The following CNTN5 variants were observed in gnomAD, a reference collection of about 807,000 sequenced individuals.
CNTN5 encodes contactin 5.
A neutral mutation model predicts 129.1 loss-of-function variants in CNTN5; 77 were observed. The observed-to-expected ratio is 0.60, with a 90% CI of 0.50 to 0.72. The LOEUF is 0.72. Among genes scored for constraint, CNTN5 ranks in the 30% least tolerant of loss-of-function variants. CNTN5 has a pLI of 0.00. For missense variants in CNTN5, 1,478 were observed against 1,328.8 expected, an observed-to-expected ratio of 1.11 and a Z score of -1.75; for synonymous variants, 509 against 465.6, an observed-to-expected ratio of 1.09 and a Z score of -1.20.
intron 13 of CNTN5, among the ~76,000 whole-genome samples, chr11:100,170,230 A>T (rs2138404090): frequency 6.6e-6 from 1 of 152,160 alleles, no homozygotes; most frequent in East Asian, 1.9e-4. Flanking sequence ...TTATTCAGAC[A>T]GATTAAATGG....
intron 4 of CNTN5, among the ~76,000 whole-genome samples, chr11:99,824,063 C>T (rs1946880277): frequency 6.6e-6 from 1 of 151,858 alleles, no homozygotes; most frequent in African/African-American, 2.4e-5. Flanking sequence ...TTTATTCATT[C>T]CCTTTTTGTA....
chr11:99,657,451 A>G (rs1165887791), intron 3 of CNTN5, among the ~76,000 whole-genome samples: 1 of 152,128 alleles, frequency 6.6e-6, no homozygotes, highest in East Asian at 1.9e-4. Flanking sequence ...TCTCCATGGT[A>G]TCCTTGATTG....
rs910366662 is a variant in CNTN5 at position 99,310,937 on chromosome 11, TA to T, written c.-209-14408del. Among the ~76,000 whole-genome samples the T allele has an allele frequency of 1.6e-3, 43 of 27,390 alleles. 1 individual carries two copies. In the East Asian group the frequency reaches 0.033, roughly 21 times the overall value. The allele number at this position is 27,390 out of a possible 152,430, so 18.0% of individuals were successfully genotyped here. ...GTAATGAATTAGGTTGATTATTTAT[TA>T]TTTTTTTTTTTGAGACGGAGTCTCG... On this transcript the variant is annotated intron_variant, in intron 1 of 24. Transcript: ENST00000524871.
At chr11:99,573,950 G>A (rs1949262543) in intron 3 of CNTN5, among the ~76,000 whole-genome samples, 1 of 152,096 alleles carries the variant, frequency 6.6e-6, no homozygotes, top group Non-Finnish European at 1.5e-5. Context: ...TACATGTGCA[G>A]AACGTGCAGG....
At chr11:99,671,470 T>C (rs1016907136) in intron 3 of CNTN5, among the ~76,000 whole-genome samples, 6 of 152,052 alleles carry the variant, frequency 3.9e-5, no homozygotes, top group South Asian at 2.1e-4. Context: ...TGTGCGTGTG[T>C]GTGTATGAGA....
chr11:100,030,687 AT>A (rs746399480), intron 9 of CNTN5, among the ~76,000 whole-genome samples: 4 of 150,882 alleles, frequency 2.7e-5, no homozygotes, highest in Admixed American at 6.6e-5. Flanking sequence ...ATAGAGAAAT[AT>A]TTTCTCTCTT....
intron 2 of CNTN5, among the ~76,000 whole-genome samples, chr11:99,368,682 A>G (rs888171087): frequency 6.6e-6 from 1 of 152,188 alleles, no homozygotes; most frequent in African/African-American, 2.4e-5. Flanking sequence ...TTCCTGTTGT[A>G]TTAGTCAGAA....
chr11:100,314,485 G>C (rs1021475076), intron 21 of CNTN5, among the ~76,000 whole-genome samples: 1 of 152,044 alleles, frequency 6.6e-6, no homozygotes. Flanking sequence ...TTTCTGTCAA[G>C]TCCATACCCA....
chr11:99,214,153 A>C (rs150058572), intron 1 of CNTN5, among the ~76,000 whole-genome samples: 21 of 152,146 alleles, frequency 1.4e-4, no homozygotes, highest in Admixed American at 4.6e-4. Flanking sequence ...TCCCAGGGGA[A>C]GTACAGATTT....
intron 6 of CNTN5, among the ~76,000 whole-genome samples, chr11:99,860,996 C>G (rs1355091911): frequency 7.3e-6 from 1 of 136,822 alleles, no homozygotes; most frequent in South Asian, 2.3e-4. Context: ...CGCTCTGTCG[C>G]CCAGGCTGGA....
chr11:99,356,636 T>G (rs759229159), intron 2 of CNTN5, among the ~76,000 whole-genome samples: 4 of 152,206 alleles, frequency 2.6e-5, no homozygotes, highest in Non-Finnish European at 5.9e-5. Flanking sequence ...TAGAGTATAT[T>G]TACCTTTAAT....
chr11:100,001,904 C>G, intron 8 of CNTN5, 130 bp from the exon 9 acceptor site: 2 of 653,536 alleles, frequency 3.1e-6, no homozygotes, highest in Non-Finnish European at 5.2e-6. Flanking sequence ...TTCAATACAT[C>G]GAAAAATTTA....
At chr11:99,778,974 A>G (rs1359093632) in intron 3 of CNTN5, among the ~76,000 whole-genome samples, 1 of 151,806 alleles carries the variant, frequency 6.6e-6, no homozygotes, top group Non-Finnish European at 1.5e-5. Context: ...GGTGAACTGG[A>G]GAGATTATAT....
chr11:99,218,354 A>G (rs1860233975), intron 1 of CNTN5, among the ~76,000 whole-genome samples: 1 of 151,994 alleles, frequency 6.6e-6, no homozygotes. Flanking sequence ...TTCTACATCT[A>G]TATACCAACC....
intron 1 of CNTN5, among the ~76,000 whole-genome samples, chr11:99,171,725 T>C (rs61066484): frequency 0.25 from 38,774 of 152,122 alleles, 5,185 homozygotes; most frequent in African/African-American, 0.32. Flanking sequence ...CAGTGTTTTC[T>C]CTTGTTAAGA....
chr11:99,268,071 C>A (rs1862993081), intron 1 of CNTN5, among the ~76,000 whole-genome samples: 1 of 152,038 alleles, frequency 6.6e-6, no homozygotes, highest in African/African-American at 2.4e-5. Flanking sequence ...CATTTTAAAT[C>A]ATCACTCTGC....
chr11:99,992,499 TAAAG>T (rs1006024493), intron 8 of CNTN5, among the ~76,000 whole-genome samples: 2 of 152,140 alleles, frequency 1.3e-5, no homozygotes, highest in East Asian at 1.9e-4. Context: ...AAAATCAGAG[TAAAG>T]AAAGGTCCAT....
intron 8 of CNTN5, among the ~76,000 whole-genome samples, chr11:99,983,406 G>A (rs183186188): frequency 6.6e-6 from 1 of 151,408 alleles, no homozygotes; most frequent in Non-Finnish European, 1.5e-5. Flanking sequence ...ACTGACAAGA[G>A]AAGTAAAATC....
At position 100,138,302 on chromosome 11, in the gene CNTN5, CAATA is replaced by C. The variant is rs1048539111; in HGVS notation, c.1581-52819_1581-52816del. ...ATTTTTGAGTTAACATTCACTGATT[CAATA>C]AATACTCATGGAGTACCTACTATGT... On this transcript the variant is annotated intron_variant, in intron 13 of 24. Transcript: ENST00000524871. Among the ~76,000 whole-genome samples, 52 of 151,702 alleles carry C rather than the reference CAATA, an allele frequency of 3.4e-4. 1 individual carries two copies. Among genetic ancestry groups the C allele is most frequent in the African/African-American group, 1.2e-3 (48 of 41,376 alleles).
Sources: gnomAD v4.1 joint callset for allele counts (sites outside exome capture counted in the v4.1 genomes callset) on GRCh38, gnomAD v4.1.1 for gene constraint, MANE v1.5 for transcripts, NCBI Gene and HGNC (gene_info 2026-07-23, HGNC 2026-07-21) for gene names.